Variants in KCTD1 observed in about 807,000 individuals in gnomAD.
The protein encoded by KCTD1 is potassium channel tetramerization domain containing 1, also known as BTB/POZ domain-containing protein KCTD1.
In KCTD1, 24 loss-of-function variants were observed where a neutral mutation model predicts 66.0. That is an observed-to-expected ratio of 0.36 (90% CI 0.26 to 0.51). The LOEUF is 0.51. Ranked by LOEUF, KCTD1 falls within the 20% of genes least tolerant of loss-of-function variation. The pLI is 0.95. For missense variants in KCTD1, 943 were observed against 1,205.2 expected, an observed-to-expected ratio of 0.78 and a Z score of 3.22; for synonymous variants, 511 against 517.2, an observed-to-expected ratio of 0.99 and a Z score of 0.16.
intron 1 of KCTD1, among the ~76,000 whole-genome samples, chr18:26,538,722 C>T (rs958365619): frequency 1.3e-5 from 2 of 152,194 alleles, no homozygotes; most frequent in African/African-American, 4.8e-5. Context: ...TCATTTAACA[C>T]CCATGCTCCT....
intron 1 of KCTD1, among the ~76,000 whole-genome samples, chr18:26,504,406 T>A (rs919125250): frequency 2.6e-5 from 4 of 152,270 alleles, no homozygotes; most frequent in African/African-American, 7.2e-5. Flanking sequence ...AATTTTGGTA[T>A]TTTTAGTAGA....
chr18:26,601,310 T>G (rs1338706120), intron 1 of KCTD1, among the ~76,000 whole-genome samples: 1 of 36,282 alleles, frequency 2.8e-5, no homozygotes, highest in African/African-American at 1.0e-4. Context: ...TGCCAGTAAA[T>G]AAAAGTGTTC....
In KCTD1 at chr18:26,548,436, C is replaced by T. The variant is rs1355258141; in HGVS notation, c.101G>A (p.Gly34Asp). 5 of 1,381,886 alleles carry T rather than the reference C, an allele frequency of 3.6e-6. No homozygotes were observed. The highest frequency in any genetic ancestry group is 4.7e-6 in the Non-Finnish European group (5 of 1,069,532). 85.6% of individuals were successfully genotyped at this position (1,381,886 alleles called of 1,614,324 possible). Residue 34 changes from glycine (G) to aspartate (D), a missense_variant, in exon 1 of 5, where the codon GGC (glycine) becomes GAC (aspartate). Gly to Asp is a moderately conservative substitution (Grantham distance 94). This residue lies in a region of KCTD1 where 236 missense variants were observed against 206.6 expected (regional missense o/e 1.14). Coordinates refer to ENST00000580059, the MANE Select transcript of KCTD1 (RefSeq NM_001142730.3). ...AAENNGERGE[G>D]ERGAGGRGRR... ...GCCGCGGCCCCCCGCGCCGCGCTCGCCCTCGCCCCGCTCCCCATTGTTCTC... is the reference window on the plus strand; with the variant it reads ...GCCGCGGCCCCCCGCGCCGCGCTCGTCCTCGCCCCGCTCCCCATTGTTCTC...
chr18:26,596,655 C>T (rs898186955), intron 1 of KCTD1, among the ~76,000 whole-genome samples: 12 of 152,324 alleles, frequency 7.9e-5, no homozygotes, highest in African/African-American at 2.4e-4. Flanking sequence ...GCTGGTTTAC[C>T]ACCTTAAATA....
chr18:26,557,819 G>A (rs1985743231), intron 1 of KCTD1, among the ~76,000 whole-genome samples: 1 of 152,198 alleles, frequency 6.6e-6, no homozygotes, highest in Admixed American at 6.5e-5. Flanking sequence ...TTTCAGCAGA[G>A]ATTGGAGTGA....
chr18:26,509,088 T>C (rs79199542), intron 1 of KCTD1, among the ~76,000 whole-genome samples: 1,706 of 152,232 alleles, frequency 0.011, 15 homozygotes, highest in Non-Finnish European at 0.02. Flanking sequence ...ATGGTCTCTA[T>C]TGACTTTAAC....
At chr18:26,543,701 A>G (rs937953494) in intron 1 of KCTD1, 2 of 152,268 alleles carry the variant, frequency 1.3e-5, no homozygotes, top group Admixed American at 1.3e-4. Flanking sequence ...TTCCACTAAT[A>G]GATGTCCTCT....
At chr18:26,652,327 A>C (rs1220993229) in intron 1 of KCTD1, among the ~76,000 whole-genome samples, 2 of 152,230 alleles carry the variant, frequency 1.3e-5, no homozygotes, top group Non-Finnish European at 2.9e-5. Flanking sequence ...AGGGCCATCC[A>C]CATGAGAACC....
intron 1 of KCTD1, among the ~76,000 whole-genome samples, chr18:26,618,757 T>A (rs1598969430): frequency 1.3e-5 from 2 of 152,370 alleles, no homozygotes; most frequent in East Asian, 3.9e-4. Flanking sequence ...GTTTTCCAAC[T>A]ATTTTCAACT....
chr18:26,639,725 G>A (rs77108596), intron 1 of KCTD1, among the ~76,000 whole-genome samples: 1,609 of 152,208 alleles, frequency 0.011, 30 homozygotes, highest in African/African-American at 0.037. Context: ...TCACAACACC[G>A]CTGTGCTGTA....
chr18:26,599,263 A>C, intron 1 of KCTD1: 1 of 651,130 alleles, frequency 1.5e-6, no homozygotes, highest in Non-Finnish European at 2.5e-6. Context: ...GTTGTTGAAA[A>C]GACTATTCCT....
intron 2 of KCTD1, among the ~76,000 whole-genome samples, chr18:26,486,780 G>A (rs918681253): frequency 5.9e-5 from 9 of 152,228 alleles, no homozygotes; most frequent in African/African-American, 1.4e-4. Context: ...ATATAAAAAC[G>A]TCAGATTAAT....
intron 2 of KCTD1, among the ~76,000 whole-genome samples, chr18:26,489,296 CT>C (rs1219827326): frequency 6.6e-6 from 1 of 152,200 alleles, no homozygotes; most frequent in African/African-American, 2.4e-5. Context: ...ACTGAACTGT[CT>C]GGTGATGCGG....
At chr18:26,460,078 A>C (rs1980336764) in intron 3 of KCTD1, among the ~76,000 whole-genome samples, 153 bp from the exon 4 acceptor site, 1 of 152,010 alleles carries the variant, frequency 6.6e-6, no homozygotes, top group African/African-American at 2.4e-5. Flanking sequence ...GTAGAGGCTC[A>C]ATTTGCATTC....
chr18:26,460,188 C>T (rs1014659768), intron 3 of KCTD1, among the ~76,000 whole-genome samples: 1 of 152,154 alleles, frequency 6.6e-6, no homozygotes, highest in Non-Finnish European at 1.5e-5. Flanking sequence ...ATCCTGTAAC[C>T]CTCGTCAATG....
intron 4 of KCTD1, chr18:26,458,154 A>AATC (rs1980201814): frequency 6.6e-6 from 1 of 152,282 alleles, no homozygotes; most frequent in African/African-American, 2.4e-5. Flanking sequence ...TGAGAACGCG[A>AATC]ATCTCGTCCT....
chr18:26,633,535 C>T (rs1370910), upstream of KCTD1, among the ~76,000 whole-genome samples: 7,908 of 151,906 alleles, frequency 0.052, 302 homozygotes, highest in East Asian at 0.13. Context: ...AAAATAATTA[C>T]CCCCCCAAAT....
chr18:26,599,278 CATTGA>C (rs1986836339), intron 1 of KCTD1: 1 of 733,982 alleles, frequency 1.4e-6, no homozygotes. Flanking sequence ...ATTCCTTCTC[CATTGA>C]ATTGTTTGGT....
Position 26,547,702 on chromosome 18 carries a change from C to T in KCTD1, c.835G>A (p.Val279Met). ...GCGCGCGTGATGGCTTGCTTCTGCA[C>T]CACCGGCCCGGCGCCCTGCTCCTCG... ...KLEEQGAGPVVQKQAITRADL... is the reference protein window; with the variant it reads ...KLEEQGAGPVMQKQAITRADL... The change falls in exon 1 of 5, where the codon GTG (valine) becomes ATG (methionine). Residue 279 changes from valine to methionine, a missense_variant. Transcript: ENST00000580059. The T allele has an allele frequency of 4.5e-6, 7 of 1,550,164 alleles. No homozygotes were observed. Among genetic ancestry groups the T allele is most frequent in the Non-Finnish European group, 6.1e-6 (7 of 1,146,890 alleles).
Sources: gnomAD v4.1 joint callset for allele counts (sites outside exome capture counted in the v4.1 genomes callset) on GRCh38, gnomAD v4.1.1 for gene constraint, gnomAD v4.1.1 regional missense constraint, MANE v1.5 for transcripts, NCBI Gene and HGNC (gene_info 2026-07-23, HGNC 2026-07-21) for gene names.